Variants in MDN1 observed in about 807,000 individuals in gnomAD.
The protein encoded by MDN1 is midasin AAA ATPase 1.
A neutral mutation model predicts 669.2 loss-of-function variants in MDN1; 266 were observed. The ratio of observed to expected loss-of-function variants is 0.40; its 90% CI spans 0.36 to 0.44. MDN1 has a LOEUF of 0.44. MDN1 is among the 20% of genes least tolerant of loss of function. The pLI, the probability that MDN1 is intolerant of heterozygous loss-of-function variation, is 1.00. For missense variants in MDN1, 5,940 were observed against 6,754.0 expected, an observed-to-expected ratio of 0.88 and a Z score of 4.22; for synonymous variants, 2,385 against 2,457.1, an observed-to-expected ratio of 0.97 and a Z score of 0.87.
At chr6:89,698,718 C>A (rs1812944461) in intron 59 of MDN1, 147 bp downstream of exon 59, 2 of 748,584 alleles carry the variant, frequency 2.7e-6, no homozygotes, top group South Asian at 1.8e-5. Flanking sequence ...ACTGACAGTA[C>A]ACTTATTTAA....
At chr6:89,722,105 G>A (rs550158460) in intron 40 of MDN1, among the ~76,000 whole-genome samples, 1 of 152,296 alleles carries the variant, frequency 6.6e-6, no homozygotes, top group South Asian at 2.1e-4. Context: ...TATAGCTACT[G>A]TGAGCATTCA....
chr6:89,682,894 C>T (rs181307681), intron 73 of MDN1, among the ~76,000 whole-genome samples: 30 of 151,124 alleles, frequency 2.0e-4, no homozygotes, highest in Admixed American at 1.8e-3. Context: ...CTGCAGTGAG[C>T]CATAATCATG....
chr6:89,756,403 A>G lies in MDN1; in HGVS notation c.2703-13T>C, dbSNP rs767951184. ...AAGTTCTGTGAACCTGTAAAACAATACATAATAAACACTTTTTAGGAAGTT... is the reference window on the plus strand; with the variant it reads ...AAGTTCTGTGAACCTGTAAAACAATGCATAATAAACACTTTTTAGGAAGTT... On this transcript the variant is annotated splice_polypyrimidine_tract_variant and intron_variant, in intron 19 of 101. Transcript: ENST00000369393. 5.7e-6 allele frequency: 7 copies of G among 1,235,964 alleles called. No individual in the cohort carries two copies. The South Asian group carries it at 7.9e-5, about 14-fold the overall frequency. 76.6% of individuals were successfully genotyped at this position (1,235,964 alleles called of 1,614,324 possible).
At chr6:89,777,440 T>C (rs1167650614) in intron 11 of MDN1, among the ~76,000 whole-genome samples, 1 of 152,240 alleles carries the variant, frequency 6.6e-6, no homozygotes, top group Non-Finnish European at 1.5e-5. Context: ...AGTAGGAATT[T>C]AGTTTATAGT....
At chr6:89,657,194 CA>C (rs1809376567) in intron 90 of MDN1, among the ~76,000 whole-genome samples, 1 of 152,178 alleles carries the variant, frequency 6.6e-6, no homozygotes, top group Non-Finnish European at 1.5e-5. Flanking sequence ...GAAAATAGTA[CA>C]ATATCATCTA....
intron 25 of MDN1, 84 bp from the exon 26 acceptor site, chr6:89,749,453 AAGG>A: frequency 6.3e-7 from 1 of 1,593,390 alleles, no homozygotes; most frequent in African/African-American, 1.3e-5. Flanking sequence ...TAAAATATTA[AAGG>A]AGAAGTAAAA....
intron 50 of MDN1, among the ~76,000 whole-genome samples, chr6:89,710,386 A>T (rs2128311583): frequency 6.6e-6 from 1 of 152,248 alleles, no homozygotes; most frequent in Non-Finnish European, 1.5e-5. Flanking sequence ...GGATAGTTTC[A>T]GGCCAAGCAT....
chr6:89,676,899 C>T (rs1483659722), intron 76 of MDN1, among the ~76,000 whole-genome samples: 1 of 150,588 alleles, frequency 6.6e-6, no homozygotes, highest in East Asian at 2.0e-4. Flanking sequence ...AATTCAATAA[C>T]ATATTAGAAC....
At chr6:89,788,053 C>T (rs978575355) in intron 7 of MDN1, 96 bp from the exon 8 acceptor site, 6 of 1,079,052 alleles carry the variant, frequency 5.6e-6, no homozygotes, top group Admixed American at 2.4e-5. Context: ...ACAGACACAC[C>T]CTTAAAGGAA....
In MDN1 at chr6:89,680,586, C is replaced by T; in HGVS notation, c.12265+3G>A. The T allele has an allele frequency of 6.2e-7, 1 of 1,609,950 alleles. No individual in the cohort carries two copies. The highest frequency in any genetic ancestry group is 1.3e-5 in the African/African-American group (1 of 74,840). On this transcript the variant is annotated splice_donor_region_variant and intron_variant, in intron 74 of 101. Coordinates refer to ENST00000369393, the MANE Select transcript of MDN1 (RefSeq NM_014611.3). ...CACCCTTGACTTGGATGCTGGCACC[C>T]ACCTGTGAACTGATCAAGGCCCTCC... is the stretch of plus-strand genomic sequence containing the variant.
chr6:89,771,745 G>C, intron 14 of MDN1, 124 bp from the exon 15 acceptor site: 1 of 790,344 alleles, frequency 1.3e-6, no homozygotes, highest in Non-Finnish European at 2.0e-6. Context: ...GTCTTGTTCT[G>C]TCAACCAGGG....
chr6:89,669,043 C>T (rs1810455553), intron 83 of MDN1, among the ~76,000 whole-genome samples: 1 of 152,230 alleles, frequency 6.6e-6, no homozygotes. Context: ...AATACGACCA[C>T]ATAGGAGGGA....
chr6:89,801,974 A>G (rs1264139376), intron 2 of MDN1, among the ~76,000 whole-genome samples: 2 of 152,188 alleles, frequency 1.3e-5, no homozygotes, highest in African/African-American at 4.8e-5. Context: ...AGAAAAAAAA[A>G]AAAGAAAATA....
chr6:89,748,439 T>C (rs1816775929), intron 26 of MDN1, among the ~76,000 whole-genome samples: 1 of 152,196 alleles, frequency 6.6e-6, no homozygotes, highest in Non-Finnish European at 1.5e-5. Flanking sequence ...AAAAAGAAGT[T>C]TGACAATGTA....
chr6:89,803,805 TCTC>T (rs1562237017), intron 1 of MDN1, among the ~76,000 whole-genome samples: 1 of 150,952 alleles, frequency 6.6e-6, no homozygotes, highest in Non-Finnish European at 1.5e-5. Flanking sequence ...ATGGTCTCGA[TCTC>T]CTGACCTCGT....
At chr6:89,717,274 G>A (rs941096136) in intron 43 of MDN1, among the ~76,000 whole-genome samples, 5 of 152,136 alleles carry the variant, frequency 3.3e-5, no homozygotes, top group African/African-American at 1.2e-4. Context: ...AAATTTTTCA[G>A]TTGATCTTTT....
At position 89,750,552 on chromosome 6, in the gene MDN1, T is replaced by C; in HGVS notation, c.3228-20A>G. 2 of 1,587,026 alleles carry C rather than the reference T, an allele frequency of 1.3e-6. No individual in the cohort carries two copies. The highest frequency in any genetic ancestry group is 8.6e-7 in the Non-Finnish European group (1 of 1,160,558). On this transcript the variant is annotated intron_variant, in intron 23 of 101. Coordinates refer to ENST00000369393, the MANE Select transcript of MDN1 (RefSeq NM_014611.3). ...TAGGTTCTGTAAAAGATTAGCCAAT[T>C]AAGCAACTTAAAACAACAAAAAATT...
At chr6:89,702,876 A>G (rs1813246822) in intron 53 of MDN1, among the ~76,000 whole-genome samples, 1 of 150,866 alleles carries the variant, frequency 6.6e-6, no homozygotes, top group Admixed American at 6.6e-5. Context: ...TGTCAGTTCT[A>G]TTTTTAAAGG....
chr6:89,716,008 T>C (rs1211890615), intron 44 of MDN1, among the ~76,000 whole-genome samples: 1 of 152,162 alleles, frequency 6.6e-6, no homozygotes, highest in Non-Finnish European at 1.5e-5. Context: ...TTTGAATAAA[T>C]GAAATTAAAG....
Sources: allele counts gnomAD v4.1 joint callset (sites outside exome capture counted in the v4.1 genomes callset), GRCh38; gene constraint gnomAD v4.1.1; transcripts MANE v1.5; gene names NCBI Gene and HGNC (gene_info 2026-07-23, HGNC 2026-07-21).